ARHGAP24: variants seen among roughly 807,000 people sequenced by gnomAD.
ARHGAP24 encodes Rho GTPase activating protein 24.
A neutral mutation model predicts 76.4 loss-of-function variants in ARHGAP24; 50 were observed. That is an observed-to-expected ratio of 0.65 (90% CI 0.52 to 0.83). ARHGAP24 has a LOEUF of 0.83. Ranked by LOEUF, ARHGAP24 falls within the 40% of genes least tolerant of loss-of-function variation. The pLI, the probability that ARHGAP24 is intolerant of heterozygous loss-of-function variation, is 0.00. For synonymous variants in ARHGAP24, 345 were observed against 323.3 expected, an observed-to-expected ratio of 1.07 and a Z score of -0.72; for missense variants, 930 against 914.2, an observed-to-expected ratio of 1.02 and a Z score of -0.22.
intron 1 of ARHGAP24, among the ~76,000 whole-genome samples, chr4:85,550,295 A>G (rs1726078064): frequency 6.6e-6 from 1 of 152,206 alleles, no homozygotes; most frequent in African/African-American, 2.4e-5. Flanking sequence ...ACATTTATTG[A>G]ATAGGGAATT....
chr4:85,495,121 C>T (rs1054233849), intron 1 of ARHGAP24, among the ~76,000 whole-genome samples: 3 of 150,022 alleles, frequency 2.0e-5, no homozygotes, highest in Non-Finnish European at 4.4e-5. Flanking sequence ...AAAAGAGTGA[C>T]CTGAGCCAAA....
intron 3 of ARHGAP24, among the ~76,000 whole-genome samples, chr4:85,769,021 CT>C (rs917129385): frequency 9.2e-5 from 14 of 152,000 alleles, no homozygotes; most frequent in African/African-American, 3.4e-4. Context: ...GGATGAGGAT[CT>C]TTTTATTGCT....
intron 2 of ARHGAP24, among the ~76,000 whole-genome samples, chr4:85,662,435 T>A (rs375297542): frequency 6.0e-5 from 9 of 150,312 alleles, no homozygotes; most frequent in East Asian, 5.8e-4. Context: ...TCAGATGAGT[T>A]CGTTGCGAAA....
chr4:85,826,373 C>A (rs1354995318), intron 3 of ARHGAP24, among the ~76,000 whole-genome samples: 1 of 152,158 alleles, frequency 6.6e-6, no homozygotes, highest in African/African-American at 2.4e-5. Flanking sequence ...GCATTTTCTC[C>A]CAGAATTTTG....
At position 85,661,600 on chromosome 4, in the gene ARHGAP24, C is replaced by T. The variant is rs956085593; in HGVS notation, c.181-60285C>T. ...GTTACATATGTATACATGTGCCATG[C>T]TGGTGTGCTGCACCCATTAACTGGT... On this transcript the variant is annotated intron_variant, in intron 2 of 9. Transcript: ENST00000395184. Among the ~76,000 whole-genome samples the T allele has an allele frequency of 4.0e-5, 6 of 151,838 alleles. No individual in the cohort carries two copies. The East Asian group carries it at 1.2e-3, about 29-fold the overall frequency.
intron 9 of ARHGAP24, 35 bp from the exon 10 acceptor site, chr4:86,000,444 T>TGGGGGGGGGG: frequency 1.6e-6 from 1 of 616,722 alleles, no homozygotes; most frequent in Non-Finnish European, 2.7e-6. Context: ...TACTCTTGCG[T>TGGGGGGGGGG]CCCCACCCCC....
chr4:85,958,747 C>A (rs999875709), intron 5 of ARHGAP24, among the ~76,000 whole-genome samples: 7 of 152,168 alleles, frequency 4.6e-5, no homozygotes, highest in African/African-American at 1.2e-4. Context: ...CCAAGTCATG[C>A]AACCATTACC....
chr4:85,882,769 G>A (rs1733335301), intron 3 of ARHGAP24, among the ~76,000 whole-genome samples: 1 of 152,196 alleles, frequency 6.6e-6, no homozygotes, highest in Non-Finnish European at 1.5e-5. Flanking sequence ...CAATGCTGGT[G>A]TCAATGTATA....
intron 3 of ARHGAP24, among the ~76,000 whole-genome samples, chr4:85,796,775 G>C (rs1051652971): frequency 1.3e-5 from 2 of 152,252 alleles, no homozygotes; most frequent in East Asian, 3.9e-4. Context: ...GAGATCCAGA[G>C]CTCTCTGGAG....
intron 2 of ARHGAP24, among the ~76,000 whole-genome samples, chr4:85,571,148 G>T (rs1317167806): frequency 6.6e-6 from 1 of 152,198 alleles, no homozygotes; most frequent in Non-Finnish European, 1.5e-5. Context: ...AATTCTCAGA[G>T]GTTTCCCTCC....
chr4:85,660,725 G>C (rs974565579), intron 2 of ARHGAP24, among the ~76,000 whole-genome samples: 1 of 141,926 alleles, frequency 7.0e-6, no homozygotes. Flanking sequence ...GACCCAGGGA[G>C]TAGGAGGTTG....
chr4:85,554,594 G>T (rs1338887235), intron 1 of ARHGAP24, among the ~76,000 whole-genome samples: 1 of 152,004 alleles, frequency 6.6e-6, no homozygotes, highest in African/African-American at 2.4e-5. Flanking sequence ...GCTTGTGATT[G>T]CATTATGAAA....
At chr4:85,696,708 C>A (rs1723879343) in intron 2 of ARHGAP24, among the ~76,000 whole-genome samples, 1 of 152,214 alleles carries the variant, frequency 6.6e-6, no homozygotes, top group Admixed American at 6.5e-5. Flanking sequence ...ACCTAACTCA[C>A]AACTGGATTG....
At chr4:85,706,791 C>T (rs1424578620) in intron 2 of ARHGAP24, among the ~76,000 whole-genome samples, 1 of 152,086 alleles carries the variant, frequency 6.6e-6, no homozygotes, top group Admixed American at 6.6e-5. Flanking sequence ...GTCTCAAACT[C>T]CTGACCTCGT....
intron 3 of ARHGAP24, among the ~76,000 whole-genome samples, chr4:85,746,875 G>T (rs1262517890): frequency 6.6e-6 from 1 of 151,860 alleles, no homozygotes; most frequent in African/African-American, 2.4e-5. Context: ...GGATGGTCTC[G>T]ATCTCCTGAC....
intron 3 of ARHGAP24, among the ~76,000 whole-genome samples, chr4:85,757,307 G>C (rs1241286169): frequency 6.7e-6 from 1 of 150,158 alleles, no homozygotes; most frequent in Non-Finnish European, 1.5e-5. Context: ...ATGTTGGTGT[G>C]CTGCACCCAT....
At chr4:85,997,927 G>A (rs558570706) in intron 9 of ARHGAP24, among the ~76,000 whole-genome samples, 1 of 152,214 alleles carries the variant, frequency 6.6e-6, no homozygotes, top group African/African-American at 2.4e-5. Flanking sequence ...AAAGTGCTGG[G>A]GTTACAGGCA....
chr4:85,606,234 C>T (rs1019000604), intron 2 of ARHGAP24, among the ~76,000 whole-genome samples: 2 of 152,194 alleles, frequency 1.3e-5, no homozygotes, highest in Admixed American at 1.3e-4. Flanking sequence ...ATAGGCCAGG[C>T]CGGGCGCGGT....
intron 1 of ARHGAP24, among the ~76,000 whole-genome samples, chr4:85,481,942 G>A (rs1005675199): frequency 1.3e-5 from 2 of 152,198 alleles, no homozygotes; most frequent in South Asian, 2.1e-4. Flanking sequence ...TCAGAGAAGG[G>A]CAATTATTAG....
Sources: allele counts gnomAD v4.1 joint callset (sites outside exome capture counted in the v4.1 genomes callset), GRCh38; gene constraint gnomAD v4.1.1; transcripts MANE v1.5; gene names NCBI Gene and HGNC (gene_info 2026-07-23, HGNC 2026-07-21).